EDARADD: variants seen among roughly 807,000 people sequenced by gnomAD.
EDARADD encodes the protein EDAR associated via death domain.
In EDARADD, 20 loss-of-function variants were observed where a neutral mutation model predicts 25.6. The observed-to-expected ratio is 0.78, with a 90% CI of 0.55 to 1.14. The LOEUF is 1.14. EDARADD is among the 50% of genes most tolerant of loss of function. The pLI, the probability that EDARADD is intolerant of heterozygous loss-of-function variation, is 0.00. For missense variants in EDARADD, 225 were observed against 270.1 expected (o/e 0.83, Z 1.17); for synonymous variants, 86 against 94.4 (o/e 0.91, Z 0.52).
chr1:236,371,154 AT>A (rs1179807309), intron 3 of EDARADD, among the ~76,000 whole-genome samples: 9 of 152,212 alleles, frequency 5.9e-5, no homozygotes, highest in African/African-American at 2.2e-4. Context: ...TGTTAGATTT[AT>A]ACCTAAGTAT....
At chr1:236,400,239 T>C (rs1381341278) in intron 1 of EDARADD, among the ~76,000 whole-genome samples, 1 of 152,174 alleles carries the variant, frequency 6.6e-6, no homozygotes, top group African/African-American at 2.4e-5. Flanking sequence ...TTCCCTGAGC[T>C]TTATCTCTTT....
At chr1:236,465,402 A>C (rs1439650504) in intron 4 of EDARADD, among the ~76,000 whole-genome samples, 1 of 152,124 alleles carries the variant, frequency 6.6e-6, no homozygotes, top group Non-Finnish European at 1.5e-5. Flanking sequence ...CTTAACTTCC[A>C]GCCCGATTTC....
rs373622590 is a variant in EDARADD at position 236,429,670 on chromosome 1, C to G, written c.219+2220C>G. Among the ~76,000 whole-genome samples the G allele has an allele frequency of 5.0e-4, 76 of 152,128 alleles. 2 individuals carry two copies. The East Asian group carries it at 8.5e-3, about 17-fold the overall frequency. ...AAAGTGCTGGTATTACAGGCTTGAG[C>G]CACTGCACCTGGCCAGAATGTTCAT... On this transcript the variant is annotated intron_variant, in intron 4 of 5. Coordinates refer to ENST00000334232, the MANE Select transcript of EDARADD (RefSeq NM_145861.4).
rs575534972 is a variant in EDARADD at position 236,456,011 on chromosome 1, G to A, written c.220-12220G>A. Reference sequence around the variant, plus strand: ...TCACCATTTTAGCCAGGATGGTCTCGATCTGCTGACCTTGTAATCCGCCCG... The same window carrying A: ...TCACCATTTTAGCCAGGATGGTCTCAATCTGCTGACCTTGTAATCCGCCCG... On this transcript the variant is annotated intron_variant, in intron 4 of 5. Transcript: ENST00000334232. Among the ~76,000 whole-genome samples, 14 of 152,264 alleles carry A rather than the reference G, an allele frequency of 9.2e-5. No individual in the cohort carries two copies. The South Asian group carries it at 2.3e-3, about 25-fold the overall frequency.
At chr1:236,382,958 T>G (rs1667317781) in intron 3 of EDARADD, among the ~76,000 whole-genome samples, 1 of 152,146 alleles carries the variant, frequency 6.6e-6, no homozygotes, top group African/African-American at 2.4e-5. Context: ...TTAGGATCTC[T>G]CTGGGAAGTC....
At chr1:236,383,933 G>T (rs1302056521) in intron 3 of EDARADD, among the ~76,000 whole-genome samples, 1 of 152,144 alleles carries the variant, frequency 6.6e-6, no homozygotes, top group Admixed American at 6.5e-5. Flanking sequence ...GCCCCGGTAG[G>T]TCGAGGCTGC....
chr1:236,459,899 G>A (rs888867504), intron 4 of EDARADD, among the ~76,000 whole-genome samples: 10 of 151,836 alleles, frequency 6.6e-5, no homozygotes, highest in Non-Finnish European at 1.2e-4. Flanking sequence ...CAGGCGCACC[G>A]GCCTTAGCTC....
At chr1:236,385,292 C>G (rs1192020550) in intron 3 of EDARADD, among the ~76,000 whole-genome samples, 2 of 151,304 alleles carry the variant, frequency 1.3e-5, no homozygotes, top group Non-Finnish European at 2.9e-5. Context: ...GCCTGTAGTC[C>G]CAGCTACTCG....
chr1:236,469,695 C>T (rs1213887426), intron 5 of EDARADD, among the ~76,000 whole-genome samples: 3 of 152,022 alleles, frequency 2.0e-5, no homozygotes, highest in Admixed American at 1.3e-4. Context: ...TCAACTTTTT[C>T]CCCTTAGAAA....
chr1:236,401,692 T>C (rs764683966), intron 1 of EDARADD, among the ~76,000 whole-genome samples: 2 of 152,182 alleles, frequency 1.3e-5, no homozygotes, highest in Non-Finnish European at 2.9e-5. Context: ...AAATAGATTC[T>C]GCATGTGGAA....
chr1:236,448,526 C>A (rs1250406985), intron 4 of EDARADD, among the ~76,000 whole-genome samples: 1 of 152,194 alleles, frequency 6.6e-6, no homozygotes, highest in Admixed American at 6.5e-5. Context: ...TCCCAAAACC[C>A]TTTCCCCATT....
chr1:236,447,241 TCCTTTCTTTC>T (rs1558127535), intron 4 of EDARADD, among the ~76,000 whole-genome samples: 1,188 of 118,540 alleles, frequency 0.01, 56 homozygotes, highest in African/African-American at 0.039. Flanking sequence ...TTCCTTTCTT[TCCTTTCTTTC>T]CTTTCTTTCT....
intron 4 of EDARADD, among the ~76,000 whole-genome samples, chr1:236,458,354 T>TA (rs35353723): frequency 2.6e-5 from 4 of 151,814 alleles, no homozygotes; most frequent in African/African-American, 9.7e-5. Context: ...GTCCTGGCCT[T>TA]AAAAAACTTA....
In EDARADD at chr1:236,440,413, C is replaced by T. The variant is rs553909702; in HGVS notation, c.219+12963C>T. Among the ~76,000 whole-genome samples the T allele has an allele frequency of 2.0e-5, 3 of 152,174 alleles. No individual in the cohort carries two copies. In the South Asian group the frequency reaches 6.2e-4, roughly 32 times the overall value. On this transcript the variant is annotated intron_variant, in intron 4 of 5. Coordinates refer to ENST00000334232, the MANE Select transcript of EDARADD (RefSeq NM_145861.4). The stretch of plus-strand genomic sequence containing the variant: ...TTGTTGACATTCACAAAATAACTTG[C>T]TGGGATTATGATTGGGATTGCATTT...
At chr1:236,453,735 C>G (rs1276109891) in intron 4 of EDARADD, among the ~76,000 whole-genome samples, 1 of 152,192 alleles carries the variant, frequency 6.6e-6, no homozygotes, top group African/African-American at 2.4e-5. Context: ...GTGTGGTGGG[C>G]TACACCATCC....
intron 3 of EDARADD, among the ~76,000 whole-genome samples, chr1:236,365,585 G>A (rs779060380): frequency 2.0e-5 from 3 of 152,144 alleles, no homozygotes; most frequent in Non-Finnish European, 4.4e-5. Context: ...GAGATTATAG[G>A]AATGAGCCAC....
At chr1:236,424,880 C>T (rs1283194423) in intron 3 of EDARADD, among the ~76,000 whole-genome samples, 2 of 152,206 alleles carry the variant, frequency 1.3e-5, no homozygotes, top group African/African-American at 4.8e-5. Flanking sequence ...AATTAATTAA[C>T]TAATTTGTTT....
Position 236,426,697 on chromosome 1 carries a change from C to T in EDARADD, c.161-695C>T, listed in dbSNP as rs575657109. Among the ~76,000 whole-genome samples the T allele has an allele frequency of 2.8e-4, 43 of 152,228 alleles. 1 individual carries two copies. The highest frequency in any genetic ancestry group is 1.1e-3 in the Admixed American group (17 of 15,290). On this transcript the variant is annotated intron_variant, in intron 3 of 5. Transcript: ENST00000334232. Reference sequence around the variant, plus strand: ...CCAAGGCAGGAGAATCACTTGAGGCCAGGAGTTCAAAACCAGCATGGACAA... The same window carrying T: ...CCAAGGCAGGAGAATCACTTGAGGCTAGGAGTTCAAAACCAGCATGGACAA...
At chr1:236,368,443 T>TTC (rs1553262555) in intron 3 of EDARADD, among the ~76,000 whole-genome samples, 10 of 147,982 alleles carry the variant, frequency 6.8e-5, no homozygotes, top group East Asian at 3.9e-4. Context: ...GTCTTTTCTT[T>TTC]TTTTTTTTTT....
Sources: gnomAD v4.1 joint callset for allele counts (sites outside exome capture counted in the v4.1 genomes callset) on GRCh38, gnomAD v4.1.1 for gene constraint, MANE v1.5 for transcripts, NCBI Gene and HGNC (gene_info 2026-07-23, HGNC 2026-07-21) for gene names.